The following ADAMTS2 variants were observed in gnomAD, a reference collection of about 807,000 sequenced individuals.
ADAMTS2 encodes A disintegrin and metalloproteinase with thrombospondin motifs 2.
ADAMTS2 carries 50 observed loss-of-function variants against 123.0 expected under a neutral mutation model. The observed-to-expected ratio is 0.41, with a 90% CI of 0.32 to 0.51. The LOEUF is 0.51. ADAMTS2 is among the 20% of genes least tolerant of loss of function. The probability of loss-of-function intolerance (pLI) is 0.35; values close to 1 mark genes in which losing one functional copy is unlikely to be tolerated. For missense variants in ADAMTS2, 1,494 were observed against 1,705.2 expected (o/e 0.88, Z 2.18); for synonymous variants, 678 against 695.4 (o/e 0.98, Z 0.39).
intron 3 of ADAMTS2, among the ~76,000 whole-genome samples, chr5:179,233,540 A>G (rs1463358766): frequency 6.6e-6 from 1 of 152,172 alleles, no homozygotes; most frequent in Non-Finnish European, 1.5e-5. Context: ...TACAAAAATT[A>G]GCCAGGCGTG....
intron 3 of ADAMTS2, among the ~76,000 whole-genome samples, chr5:179,267,270 C>A (rs1766399848): frequency 6.6e-6 from 1 of 152,212 alleles, no homozygotes; most frequent in Non-Finnish European, 1.5e-5. Flanking sequence ...CAGGTGGCAG[C>A]CACGCTCAGC....
At chr5:179,227,975 G>A (rs939629620) in intron 3 of ADAMTS2, among the ~76,000 whole-genome samples, 4 of 152,104 alleles carry the variant, frequency 2.6e-5, no homozygotes, top group South Asian at 2.1e-4. Context: ...GGAGGATTCC[G>A]GGTTTCTGAC....
intron 2 of ADAMTS2, among the ~76,000 whole-genome samples, chr5:179,343,268 T>G (rs1328869001): frequency 2.0e-5 from 3 of 152,190 alleles, no homozygotes; most frequent in South Asian, 2.1e-4. Flanking sequence ...CACGCCAGTA[T>G]GCACAAGGAC....
chr5:179,276,652 G>T (rs1441558634), intron 2 of ADAMTS2, among the ~76,000 whole-genome samples: 2 of 152,224 alleles, frequency 1.3e-5, no homozygotes, highest in Non-Finnish European at 2.9e-5. Flanking sequence ...GCCTAGATGG[G>T]CAGACAGGCT....
chr5:179,230,242 G>A (rs1251311847), intron 3 of ADAMTS2, among the ~76,000 whole-genome samples: 2 of 152,170 alleles, frequency 1.3e-5, no homozygotes, highest in African/African-American at 4.8e-5. Flanking sequence ...GGCAAGGGGG[G>A]AGGGGATGCG....
At chr5:179,226,080 A>G (rs2113418099) in intron 3 of ADAMTS2, among the ~76,000 whole-genome samples, 1 of 152,254 alleles carries the variant, frequency 6.6e-6, no homozygotes, top group Non-Finnish European at 1.5e-5. Flanking sequence ...GGGACACTGA[A>G]GAAGGAAGCC....
At chr5:179,224,323 G>A (rs937834729) in intron 3 of ADAMTS2, among the ~76,000 whole-genome samples, 4 of 152,152 alleles carry the variant, frequency 2.6e-5, no homozygotes, top group Non-Finnish European at 5.9e-5. Flanking sequence ...ACACGCTGCC[G>A]GCCGCAGGCC....
At position 179,272,847 on chromosome 5, in the gene ADAMTS2, C is replaced by G; in HGVS notation, c.688+64G>C. 6.4e-7 allele frequency: 1 copy of G among 1,567,084 alleles called. No individual in the cohort carries two copies. Among genetic ancestry groups the G allele is most frequent in the South Asian group, 1.1e-5 (1 of 87,712 alleles). On this transcript the variant is annotated intron_variant, in intron 3 of 21. Coordinates refer to ENST00000251582, the MANE Select transcript of ADAMTS2 (RefSeq NM_014244.5). The surrounding 1 kb of genome is among the most constrained non-coding windows in gnomAD (Gnocchi z 5.8). The stretch of plus-strand genomic sequence containing the variant: ...GAGAGCTGCCTGAGTCTCTGGGATG[C>G]TCCCCTGGGGACCAGGGCCTCAGAG...
chr5:179,210,420 C>T (rs905685539), intron 3 of ADAMTS2, among the ~76,000 whole-genome samples: 4 of 152,244 alleles, frequency 2.6e-5, no homozygotes, highest in Non-Finnish European at 4.4e-5. Flanking sequence ...GCAAAGGTTT[C>T]TAAAGATTTA....
Position 179,229,638 on chromosome 5 carries a change from C to T in ADAMTS2, c.689-21923G>A, listed in dbSNP as rs567861394. ...AGGTACATCCCCCAAGGCCCAGCCC[C>T]GCAGGAAGCCCTTCCTCTGCAGCCA... is the stretch of plus-strand genomic sequence containing the variant. On this transcript the variant is annotated intron_variant, in intron 3 of 21. Coordinates refer to ENST00000251582, the MANE Select transcript of ADAMTS2 (RefSeq NM_014244.5). 2.6e-5 allele frequency among the ~76,000 whole-genome samples: 4 copies of T among 152,180 alleles called. No individual in the cohort carries two copies. The East Asian group carries it at 5.8e-4, about 22-fold the overall frequency.
chr5:179,151,846 C>T (rs1296879619), intron 10 of ADAMTS2, among the ~76,000 whole-genome samples: 8 of 152,102 alleles, frequency 5.3e-5, no homozygotes, highest in Non-Finnish European at 1.2e-4. Flanking sequence ...CAGGGGTGAC[C>T]GAAGGCTGCC....
chr5:179,345,383 G>C lies in ADAMTS2; in HGVS notation c.-55C>G, dbSNP rs1757924561. ...CTCGCAGCCGGCGCGAAAGTTCCCC[G>C]CGAGCCGCCCAGCCCACATCTGGGG... is the stretch of plus-strand genomic sequence containing the variant. On this transcript the variant is annotated 5_prime_UTR_variant, in exon 1 of 22. Coordinates refer to ENST00000251582, the MANE Select transcript of ADAMTS2 (RefSeq NM_014244.5). The surrounding 1 kb of genome is among the most constrained non-coding windows in gnomAD (Gnocchi z 7.5). The C allele has an allele frequency of 1.8e-6, 2 of 1,107,280 alleles. No homozygotes were observed. Among genetic ancestry groups the C allele is most frequent in the African/African-American group, 1.7e-5 (1 of 59,874 alleles). The allele number at this position is 1,107,280 out of a possible 1,614,324, so 68.6% of individuals were successfully genotyped here.
chr5:179,271,774 G>A (rs923009961), intron 3 of ADAMTS2, among the ~76,000 whole-genome samples: 10 of 152,330 alleles, frequency 6.6e-5, no homozygotes, highest in Middle Eastern at 6.8e-3. Context: ...ATCTGATGCC[G>A]TTTCATGAAA....
At chr5:179,146,996 C>T (rs1198906606) in intron 10 of ADAMTS2, among the ~76,000 whole-genome samples, 3 of 152,182 alleles carry the variant, frequency 2.0e-5, no homozygotes, top group East Asian at 1.9e-4. Context: ...GCTTTCATTG[C>T]GGTTTCTCTT....
rs144235544 is a variant in ADAMTS2 at position 179,207,615 on chromosome 5, G to A, written c.789C>T (p.Asp263=). Residue 263 remains aspartate, a synonymous_variant, in exon 4 of 22, where the codon GAC becomes GAT. Transcript: ENST00000251582. ...GCAGGACCTCGATGTTGTAGTCATC[G>A]TCCGCAGCATGCCTGCGTGCCCTCC... ...SRRRARRHAA[D]DDYNIEVLLG... is the part of the protein sequence containing the mutation. 1.1e-4 allele frequency: 184 copies of A among 1,613,844 alleles called. No individual in the cohort carries two copies. The highest frequency in any genetic ancestry group is 7.3e-4 in the African/African-American group (55 of 75,050).
rs1764232544 is a variant in ADAMTS2 at position 179,188,882 on chromosome 5, T to C, written c.892-7727A>G. 6.6e-6 allele frequency among the ~76,000 whole-genome samples: 1 copy of C among 152,134 alleles called. No homozygotes were observed. Among genetic ancestry groups the C allele is most frequent in the Non-Finnish European group, 1.5e-5 (1 of 68,026 alleles). ...TGTGCTGCACCCCTCAGTGTGGCAC[T>C]CCAGCAGGCACGTTGAGAAGACAGG... On this transcript the variant is annotated intron_variant, in intron 4 of 21. Transcript: ENST00000251582. The surrounding 1 kb of genome is among the most constrained non-coding windows in gnomAD (Gnocchi z 5.1).
At chr5:179,217,801 G>A (rs75102662) in intron 3 of ADAMTS2, among the ~76,000 whole-genome samples, 1 of 111,032 alleles carries the variant, frequency 9.0e-6, no homozygotes, top group African/African-American at 3.2e-5. Flanking sequence ...CGCAAGGGGG[G>A]GATGGGCACA....
intron 3 of ADAMTS2, among the ~76,000 whole-genome samples, chr5:179,265,539 G>A (rs1766345576): frequency 6.6e-6 from 1 of 152,162 alleles, no homozygotes; most frequent in South Asian, 2.1e-4. Context: ...TCACAGCCCA[G>A]GGGGTGGGAA....
intron 4 of ADAMTS2, among the ~76,000 whole-genome samples, chr5:179,195,397 C>T (rs1008789431): frequency 1.3e-5 from 2 of 152,226 alleles, no homozygotes; most frequent in Non-Finnish European, 2.9e-5. Context: ...GCCACCCACA[C>T]ACCAGACTTG....
Sources: allele counts gnomAD v4.1 joint callset (sites outside exome capture counted in the v4.1 genomes callset), GRCh38; gene constraint gnomAD v4.1.1; non-coding constraint Gnocchi (gnomAD v3.1); transcripts MANE v1.5; gene names NCBI Gene and HGNC (gene_info 2026-07-23, HGNC 2026-07-21).